The following ADAM10 variants were observed in gnomAD, a reference collection of about 807,000 sequenced individuals.
The protein encoded by ADAM10 is ADAM metallopeptidase domain 10.
Under a neutral mutation model 90.1 loss-of-function variants are expected in ADAM10, and 17 were observed. That is an observed-to-expected ratio of 0.19 (90% confidence interval 0.13 to 0.28). The LOEUF (loss-of-function observed/expected upper bound fraction) is 0.28, where lower values mean the gene tolerates loss of function less well. Ranked by LOEUF, ADAM10 falls within the 10% of genes least tolerant of loss-of-function variation. The pLI is 1.00. For missense variants in ADAM10, 610 were observed against 914.3 expected, an observed-to-expected ratio of 0.67 and a Z score of 4.29; for synonymous variants, 310 against 298.6, an observed-to-expected ratio of 1.04 and a Z score of -0.40.
rs1173464239 is a variant in ADAM10, at chr15:58,708,076, C to CA, written c.206+9500dup. On this transcript the variant is annotated intron_variant, in intron 2 of 15. Transcript: ENST00000260408. Reference sequence around the variant, plus strand: ...TGGGCAACAGAGCGAGACTCGGTCTCAAAAAAAAACAAAAACAAAAACAAA... The same window carrying CA: ...TGGGCAACAGAGCGAGACTCGGTCTCAAAAAAAAAACAAAAACAAAAACAAA... Among the ~76,000 whole-genome samples the CA allele has an allele frequency of 1.9e-3, 274 of 146,894 alleles. 1 individual carries two copies. Among genetic ancestry groups the CA allele is most frequent in the African/African-American group, 5.9e-3 (235 of 39,840 alleles).
chr15:58,699,444 A>G (rs1226281307), intron 2 of ADAM10, among the ~76,000 whole-genome samples: 1 of 152,186 alleles, frequency 6.6e-6, no homozygotes, highest in Non-Finnish European at 1.5e-5. Context: ...ATGATAAACA[A>G]TAAGAGAAAA....
At chr15:58,720,187 G>A (rs935292456) in intron 1 of ADAM10, among the ~76,000 whole-genome samples, 2 of 152,224 alleles carry the variant, frequency 1.3e-5, no homozygotes, top group Middle Eastern at 3.4e-3. Flanking sequence ...ATGCTTACGA[G>A]CACAAAGAGC....
In ADAM10 at chr15:58,677,490, T is replaced by C. The variant is rs1897323910; in HGVS notation, c.484+1634A>G. 2.6e-5 allele frequency among the ~76,000 whole-genome samples: 4 copies of C among 151,938 alleles called. No homozygotes were observed. In the South Asian group the frequency reaches 8.3e-4, roughly 32 times the overall value. On this transcript the variant is annotated intron_variant, in intron 4 of 15. Transcript: ENST00000260408. ...TTGGAAATTACTGTTGGATGCAATA[T>C]GCAAAAAATACAATTATATTACAAG...
At chr15:58,689,944 A>ACCGC (rs1897728480) in intron 2 of ADAM10, among the ~76,000 whole-genome samples, 3 of 75,236 alleles carry the variant, frequency 4.0e-5, no homozygotes, top group Admixed American at 3.2e-4. Flanking sequence ...CCAAAGACAG[A>ACCGC]CCCCCCCCAA....
At position 58,592,481 on chromosome 15, in the gene ADAM10, G is replaced by C. The variant is rs1361413057; in HGVS notation, c.*5066C>G. On this transcript the variant is annotated 3_prime_UTR_variant, in exon 16 of 16. Transcript: ENST00000260408. ...AGTGGTAACTTCTAAGGTGCCTCCT[G>C]AATCTTTCTGATCTGGTACAAAACA... 2 of 152,116 alleles carry C rather than the reference G, an allele frequency of 1.3e-5. No individual in the cohort carries two copies. The highest frequency in any genetic ancestry group is 3.9e-4 in the East Asian group (2 of 5,192). The allele number at this position is 152,116 out of a possible 1,614,324, so 9.4% of individuals were successfully genotyped here. A position where few individuals can be genotyped will look rare whatever the true frequency, so the allele number is the denominator to read the frequency against.
At chr15:58,691,167 C>T (rs777114125) in intron 2 of ADAM10, 40 of 709,068 alleles carry the variant, frequency 5.6e-5, no homozygotes, top group Non-Finnish European at 8.9e-5. Context: ...GATTGTCACC[C>T]GCTCAACCTT....
chr15:58,635,060 G>GA (rs1896210430), intron 8 of ADAM10, among the ~76,000 whole-genome samples: 1 of 151,284 alleles, frequency 6.6e-6, no homozygotes, highest in Non-Finnish European at 1.5e-5. Context: ...GTGTTTCAAA[G>GA]AAACACAAGG....
intron 5 of ADAM10, among the ~76,000 whole-genome samples, chr15:58,650,658 C>G (rs1896662676): frequency 6.6e-6 from 1 of 152,116 alleles, no homozygotes; most frequent in African/African-American, 2.4e-5. Context: ...ACCATTCTAG[C>G]TGTATACTTT....
intron 5 of ADAM10, among the ~76,000 whole-genome samples, chr15:58,655,788 C>T (rs1896815374): frequency 7.7e-6 from 1 of 129,984 alleles, no homozygotes; most frequent in South Asian, 2.5e-4. Context: ...GCTCTGTCAC[C>T]CAGACTGGAG....
At chr15:58,652,239 T>C (rs1272054136) in intron 5 of ADAM10, among the ~76,000 whole-genome samples, 1 of 152,176 alleles carries the variant, frequency 6.6e-6, no homozygotes, top group Non-Finnish European at 1.5e-5. Context: ...GAGCCGCAGC[T>C]TTTAACTTGA....
At chr15:58,634,283 C>T (rs554511308) in intron 8 of ADAM10, among the ~76,000 whole-genome samples, 1 of 149,530 alleles carries the variant, frequency 6.7e-6, no homozygotes, top group Admixed American at 6.7e-5. Flanking sequence ...GCCTGGGCGA[C>T]ACAGTGACAC....
chr15:58,741,863 G>C (rs147524921), intron 1 of ADAM10, among the ~76,000 whole-genome samples: 1 of 152,218 alleles, frequency 6.6e-6, no homozygotes, highest in East Asian at 1.9e-4. Context: ...TCATGGCCTA[G>C]AATAATCAGT....
At chr15:58,650,669 T>C (rs1217556924) in intron 5 of ADAM10, among the ~76,000 whole-genome samples, 1 of 152,172 alleles carries the variant, frequency 6.6e-6, no homozygotes, top group African/African-American at 2.4e-5. Flanking sequence ...TGTATACTTT[T>C]TTCTGAAATC....
At chr15:58,603,005 T>C (rs1895156924) in intron 14 of ADAM10, among the ~76,000 whole-genome samples, 1 of 152,244 alleles carries the variant, frequency 6.6e-6, no homozygotes. Context: ...ATGTGTAGAA[T>C]ACACAAAACA....
chr15:58,705,475 T>C (rs1217007214), intron 2 of ADAM10, among the ~76,000 whole-genome samples: 2 of 152,196 alleles, frequency 1.3e-5, no homozygotes, highest in Non-Finnish European at 2.9e-5. Flanking sequence ...ATTTTTAAAA[T>C]GCACCAAACA....
At position 58,611,034 on chromosome 15, in the gene ADAM10, T is replaced by C; in HGVS notation, c.1769A>G (p.Asp590Gly). The C allele has an allele frequency of 1.9e-6, 3 of 1,613,832 alleles. No homozygotes were observed. The highest frequency in any genetic ancestry group is 2.5e-6 in the Non-Finnish European group (3 of 1,179,760). The change falls in exon 13 of 16, where the codon GAT (aspartate) becomes GGT (glycine). Residue 590 changes from aspartate to glycine, a missense_variant. Physicochemically the swap from Asp to Gly is moderately conservative, Grantham distance 94 (BLOSUM62 -1). Around this residue, in one of 4 missense-constraint regions of ADAM10, gnomAD observed 150 missense variants for 268.5 expected, o/e 0.56. Transcript: ENST00000260408. Reference sequence around the variant, plus strand: ...ACAGCATACATGGCATAATTCTTTATCATCTTTGCCATCAGAACTGGCACA... The same window carrying C: ...ACAGCATACATGGCATAATTCTTTACCATCTTTGCCATCAGAACTGGCACA... The part of the protein sequence containing the change: ...CTCASSDGKD[D>G]KELCHVCCMK...
chr15:58,671,602 G>C (rs1200271504), intron 4 of ADAM10, among the ~76,000 whole-genome samples: 1 of 152,178 alleles, frequency 6.6e-6, no homozygotes, highest in Non-Finnish European at 1.5e-5. Flanking sequence ...GGCCAGGCAT[G>C]GTGGCTCACA....
rs1352287368 is a variant in ADAM10, at chr15:58,635,276, A to G, written c.1013-1917T>C. Among the ~76,000 whole-genome samples the G allele has an allele frequency of 5.1e-5, 7 of 136,368 alleles. No individual in the cohort carries two copies. In the South Asian group the frequency reaches 1.3e-3, roughly 26 times the overall value. The allele number at this position is 136,368 out of a possible 152,430, so 89.5% of individuals were successfully genotyped here. A position where few individuals can be genotyped will look rare whatever the true frequency, so the allele number is the denominator to read the frequency against. On this transcript the variant is annotated intron_variant, in intron 8 of 15. Coordinates refer to ENST00000260408, the MANE Select transcript of ADAM10 (RefSeq NM_001110.4). ...GGTGACAGAGCAAGACTCTGTCTCAAAAAAAAAAAAAAAAAAAGAAAGAAA... is the reference window on the plus strand; with the variant it reads ...GGTGACAGAGCAAGACTCTGTCTCAGAAAAAAAAAAAAAAAAAGAAAGAAA...
intron 4 of ADAM10, among the ~76,000 whole-genome samples, chr15:58,667,169 G>A (rs1283787099): frequency 2.6e-5 from 4 of 152,066 alleles, no homozygotes; most frequent in Admixed American, 6.5e-5. Context: ...TAGAATATTC[G>A]GCCTATTTAA....
Sources: allele counts gnomAD v4.1 joint callset (sites outside exome capture counted in the v4.1 genomes callset), GRCh38; gene constraint gnomAD v4.1.1; regional missense constraint gnomAD v4.1.1; transcripts MANE v1.5; gene names NCBI Gene and HGNC (gene_info 2026-07-23, HGNC 2026-07-21).